RARB: variants seen among roughly 807,000 people sequenced by gnomAD.
RARB encodes the protein retinoic acid receptor beta.
Under a neutral mutation model 51.9 loss-of-function variants are expected in RARB, and 17 were observed. That is an observed-to-expected ratio of 0.33 (90% CI 0.22 to 0.49). The LOEUF is 0.49. Among genes scored for constraint, RARB ranks in the 20% least tolerant of loss-of-function variants. The pLI is 0.99. For synonymous variants in RARB, 215 were observed against 195.4 expected (o/e 1.10, Z -0.84); for missense variants, 369 against 550.8 (o/e 0.67, Z 3.30).
intron 2 of RARB, among the ~76,000 whole-genome samples, chr3:24,938,799 A>G (rs1187291692): frequency 6.6e-6 from 1 of 152,170 alleles, no homozygotes; most frequent in Non-Finnish European, 1.5e-5. Flanking sequence ...AGTACCTCAT[A>G]TAAGTAGAAT....
intron 5 of RARB, among the ~76,000 whole-genome samples, chr3:25,176,099 A>T (rs1245474152): frequency 6.6e-6 from 1 of 152,082 alleles, no homozygotes; most frequent in Non-Finnish European, 1.5e-5. Context: ...ACATTTTAAC[A>T]GGTTTCTTTC....
intron 2 of RARB, among the ~76,000 whole-genome samples, chr3:24,938,931 TTCACATTTA>T (rs1365187387): frequency 1.3e-5 from 2 of 152,146 alleles, no homozygotes; most frequent in East Asian, 1.9e-4. Flanking sequence ...TATGCCATTT[TTCACATTTA>T]TCACATTTTG....
chr3:24,831,243 A>G (rs1559366065), intron 1 of RARB, among the ~76,000 whole-genome samples: 1 of 152,234 alleles, frequency 6.6e-6, no homozygotes, highest in Non-Finnish European at 1.5e-5. Flanking sequence ...ACAAAAATAA[A>G]GCAAAAAATA....
At chr3:25,300,085 GAGGAGTAGATGATATCACATGAAATAA>G (rs1704005161) in intron 5 of RARB, among the ~76,000 whole-genome samples, 1 of 152,200 alleles carries the variant, frequency 6.6e-6, no homozygotes, top group Non-Finnish European at 1.5e-5. Flanking sequence ...AGATATGGTT[GAGGAGTAGATGATATCACATGAAATAA>G]TTTGAGAACC....
intron 3 of RARB, among the ~76,000 whole-genome samples, chr3:25,098,160 G>C (rs1164451275): frequency 6.6e-6 from 1 of 152,030 alleles, no homozygotes; most frequent in Non-Finnish European, 1.5e-5. Context: ...CTTCCCACAG[G>C]GGGTGAAGCT....
chr3:24,995,597 T>C (rs1559426596), intron 2 of RARB, among the ~76,000 whole-genome samples: 2 of 152,104 alleles, frequency 1.3e-5, no homozygotes, highest in Non-Finnish European at 2.9e-5. Flanking sequence ...AGATGGTAGC[T>C]GTGGGTTTGT....
chr3:25,284,689 A>C (rs949748335), intron 5 of RARB, among the ~76,000 whole-genome samples: 1 of 152,170 alleles, frequency 6.6e-6, no homozygotes, highest in Non-Finnish European at 1.5e-5. Flanking sequence ...TAAAAGTCAG[A>C]ACCTCGACTC....
At chr3:25,429,639 GGA>G (rs1559397346) in intron 1 of RARB, among the ~76,000 whole-genome samples, 1 of 152,132 alleles carries the variant, frequency 6.6e-6, no homozygotes, top group Admixed American at 6.5e-5. Flanking sequence ...TTAAAGGAAA[GGA>G]AATATAAGTG....
At chr3:25,297,504 G>A (rs1384331487) in intron 5 of RARB, among the ~76,000 whole-genome samples, 2 of 138,556 alleles carry the variant, frequency 1.4e-5, no homozygotes, top group African/African-American at 5.4e-5. Flanking sequence ...CCACAGAGAT[G>A]TAACATTATA....
At chr3:25,361,819 C>G (rs1345136986) in intron 5 of RARB, among the ~76,000 whole-genome samples, 1 of 152,210 alleles carries the variant, frequency 6.6e-6, no homozygotes, top group South Asian at 2.1e-4. Flanking sequence ...GGCTGCAGAA[C>G]AGCAAAGATT....
At chr3:25,561,607 C>G (rs1161118803) in intron 3 of RARB, among the ~76,000 whole-genome samples, 1 of 152,016 alleles carries the variant, frequency 6.6e-6, no homozygotes, top group African/African-American at 2.4e-5. Context: ...GGGCTGTCCT[C>G]TTTATGGTCT....
chr3:25,430,376 T>C (rs899529795), intron 1 of RARB, among the ~76,000 whole-genome samples: 1 of 152,236 alleles, frequency 6.6e-6, no homozygotes, highest in Non-Finnish European at 1.5e-5. Context: ...GTATGAACAA[T>C]TTCTGTTGGA....
chr3:25,226,344 C>A (rs1236931662), intron 5 of RARB, among the ~76,000 whole-genome samples: 1 of 152,114 alleles, frequency 6.6e-6, no homozygotes, highest in Non-Finnish European at 1.5e-5. Context: ...AGTGAACTTG[C>A]TCTGACTTCA....
At chr3:25,465,492 T>A (rs1056141335) in intron 2 of RARB, among the ~76,000 whole-genome samples, 3 of 152,212 alleles carry the variant, frequency 2.0e-5, no homozygotes, top group African/African-American at 7.2e-5. Flanking sequence ...CTGCCTGTCA[T>A]AACCAGGATG....
chr3:25,388,202 A>G (rs1706850544), intron 5 of RARB, among the ~76,000 whole-genome samples: 1 of 152,224 alleles, frequency 6.6e-6, no homozygotes, highest in Non-Finnish European at 1.5e-5. Flanking sequence ...CCTAATTATT[A>G]CATACAGCAT....
chr3:25,401,403 T>C (rs1707259833), intron 5 of RARB, among the ~76,000 whole-genome samples: 1 of 152,086 alleles, frequency 6.6e-6, no homozygotes, highest in African/African-American at 2.4e-5. Flanking sequence ...TATACAACGT[T>C]CCTCGCTCTA....
intron 2 of RARB, among the ~76,000 whole-genome samples, chr3:24,953,656 T>C (rs1695947281): frequency 6.6e-6 from 1 of 152,226 alleles, no homozygotes; most frequent in South Asian, 2.1e-4. Flanking sequence ...ATAAATGATC[T>C]CATATGTCAG....
chr3:25,380,280 C>T (rs1339243638), intron 5 of RARB, among the ~76,000 whole-genome samples: 4 of 152,114 alleles, frequency 2.6e-5, no homozygotes, highest in African/African-American at 4.8e-5. Context: ...GAGCTGACAT[C>T]GTCCATCCTC....
intron 5 of RARB, among the ~76,000 whole-genome samples, chr3:25,323,019 G>A (rs1483864850): frequency 6.6e-6 from 1 of 152,250 alleles, no homozygotes; most frequent in Admixed American, 6.5e-5. Context: ...ACATTACTGG[G>A]GTCAGAGGAT....
Sources: gnomAD v4.1 joint callset for allele counts (sites outside exome capture counted in the v4.1 genomes callset) on GRCh38, gnomAD v4.1.1 for gene constraint, MANE v1.5 for transcripts, NCBI Gene and HGNC (gene_info 2026-07-23, HGNC 2026-07-21) for gene names.